STYX: variants seen among roughly 807,000 people sequenced by gnomAD.
STYX encodes the protein serine/threonine/tyrosine-interacting protein.
Under a neutral mutation model 42.7 loss-of-function variants are expected in STYX, and 20 were observed. That is an observed-to-expected ratio of 0.47 (90% CI 0.33 to 0.68). The LOEUF is 0.68. Among genes scored for constraint, STYX ranks in the 30% least tolerant of loss-of-function variants. The pLI is 0.02. For synonymous variants in STYX, 78 were observed against 81.9 expected (o/e 0.95, Z 0.26); for missense variants, 226 against 268.5 (o/e 0.84, Z 1.11).
intron 3 of STYX, 115 bp downstream of exon 3, chr14:52,746,594 A>G: frequency 1.2e-6 from 1 of 826,324 alleles, no homozygotes; most frequent in Non-Finnish European, 1.9e-6. Context: ...ACTGTCTGTT[A>G]ACAGTAATTG....
Position 52,774,155 on chromosome 14 carries a change from A to G in STYX, c.*3049A>G, listed in dbSNP as rs1388065961. ...CATGATAGCTTTTGCTACCAACTCAACCACTTAACTTTTAGAGCAGTTTTG... is the reference window on the plus strand; with the variant it reads ...CATGATAGCTTTTGCTACCAACTCAGCCACTTAACTTTTAGAGCAGTTTTG... On this transcript the variant is annotated 3_prime_UTR_variant, in exon 11 of 11. Coordinates refer to ENST00000354586, the MANE Select transcript of STYX (RefSeq NM_145251.4). The G allele has an allele frequency of 2.0e-5, 3 of 152,314 alleles. No homozygotes were observed. Among genetic ancestry groups the G allele is most frequent in the South Asian group, 2.1e-4 (1 of 4,830 alleles). The allele number at this position is 152,314 out of a possible 1,614,324, so 9.4% of individuals were successfully genotyped here. A position where few individuals can be genotyped will look rare whatever the true frequency, so the allele number is the denominator to read the frequency against.
chr14:52,758,023 T>A (rs1881943471), intron 8 of STYX, 99 bp downstream of exon 8: 1 of 1,313,762 alleles, frequency 7.6e-7, no homozygotes, highest in African/African-American at 1.5e-5. Flanking sequence ...TTCCCCTGAT[T>A]ATTTTTCATG....
intron 5 of STYX, 34 bp from the exon 6 acceptor site, chr14:52,757,285 T>C: frequency 1.9e-6 from 3 of 1,548,104 alleles, no homozygotes; most frequent in African/African-American, 1.4e-5. Context: ...ATTTATTTTA[T>C]GCTTACATTA....
intron 9 of STYX, among the ~76,000 whole-genome samples, chr14:52,764,149 C>A (rs927693101): frequency 2.6e-5 from 4 of 151,910 alleles, no homozygotes; most frequent in African/African-American, 9.7e-5. Context: ...TGCATCACCA[C>A]GCCCGGCTAA....
At chr14:52,763,606 A>AT (rs1216886202) in intron 9 of STYX, among the ~76,000 whole-genome samples, 3 of 151,462 alleles carry the variant, frequency 2.0e-5, no homozygotes, top group South Asian at 2.1e-4. Flanking sequence ...ATGTGTTGAG[A>AT]TTTTTTTTAT....
At chr14:52,744,230 T>G (rs1387799729) in intron 1 of STYX, among the ~76,000 whole-genome samples, 6 of 152,242 alleles carry the variant, frequency 3.9e-5, no homozygotes, top group Non-Finnish European at 8.8e-5. Flanking sequence ...TTACAGCTTC[T>G]TTATATTGGT....
chr14:52,758,020 G>A, intron 8 of STYX, 96 bp downstream of exon 8: 1 of 1,355,152 alleles, frequency 7.4e-7, no homozygotes. Flanking sequence ...TTATTCCCCT[G>A]ATTATTTTTC....
chr14:52,735,562 A>T (rs1880915859), intron 1 of STYX, among the ~76,000 whole-genome samples: 1 of 152,210 alleles, frequency 6.6e-6, no homozygotes, highest in Non-Finnish European at 1.5e-5. Flanking sequence ...GCATATAGTT[A>T]TTCATAATAA....
rs901619263 is a variant in STYX at position 52,730,256 on chromosome 14, G to A, written c.-219G>A. On this transcript the variant is annotated 5_prime_UTR_variant, in exon 1 of 11. Transcript: ENST00000354586. Reference sequence around the variant, plus strand: ...GGAGACGGCAGCGGCATGGCGGCCGGGTGTAAGACGCCCGACCCTCCTCTT... The same window carrying A: ...GGAGACGGCAGCGGCATGGCGGCCGAGTGTAAGACGCCCGACCCTCCTCTT... 3.6e-5 allele frequency: 21 copies of A among 579,526 alleles called. No individual in the cohort carries two copies. Among genetic ancestry groups the A allele is most frequent in the Non-Finnish European group, 9.2e-6 (3 of 324,550 alleles). The allele number at this position is 579,526 out of a possible 1,614,324, so 35.9% of individuals were successfully genotyped here.
chr14:52,769,222 G>A (rs1033381450), intron 10 of STYX, among the ~76,000 whole-genome samples: 1 of 152,074 alleles, frequency 6.6e-6, no homozygotes, highest in African/African-American at 2.4e-5. Flanking sequence ...TTAATACAGC[G>A]TGTAGCATGG....
At chr14:52,758,558 A>C (rs1477591338) in intron 8 of STYX, among the ~76,000 whole-genome samples, 1 of 152,196 alleles carries the variant, frequency 6.6e-6, no homozygotes, top group South Asian at 2.1e-4. Flanking sequence ...TCTTAAAGGA[A>C]TATTATTTGA....
At chr14:52,747,338 T>C (rs1312139715) in intron 3 of STYX, among the ~76,000 whole-genome samples, 1 of 152,230 alleles carries the variant, frequency 6.6e-6, no homozygotes, top group East Asian at 1.9e-4. Context: ...GTCAGTATAC[T>C]TAAATTGTGT....
At chr14:52,746,608 C>A in intron 3 of STYX, 129 bp downstream of exon 3, 1 of 694,364 alleles carries the variant, frequency 1.4e-6, no homozygotes, top group Non-Finnish European at 2.3e-6. Flanking sequence ...GTAATTGTCA[C>A]TCTGGAGTAC....
chr14:52,752,020 C>T (rs929246097), intron 4 of STYX, among the ~76,000 whole-genome samples: 1 of 152,058 alleles, frequency 6.6e-6, no homozygotes, highest in East Asian at 1.9e-4. Context: ...ATTACCTGAG[C>T]GTGGTGGCAC....
intron 4 of STYX, among the ~76,000 whole-genome samples, chr14:52,751,372 G>A (rs1393110429): frequency 6.6e-6 from 1 of 152,074 alleles, no homozygotes; most frequent in African/African-American, 2.4e-5. Flanking sequence ...GTACTAATAT[G>A]TATAGCATAT....
chr14:52,753,892 ATTTTTTTTTTTT>A (rs56734068), intron 4 of STYX, among the ~76,000 whole-genome samples: 4 of 77,234 alleles, frequency 5.2e-5, no homozygotes, highest in Admixed American at 3.3e-4. Context: ...CAAAACACTG[ATTTTTTTTTTTT>A]TTTTTTTTTT....
intron 3 of STYX, among the ~76,000 whole-genome samples, chr14:52,748,372 G>A (rs1415761688): frequency 6.6e-6 from 1 of 152,132 alleles, no homozygotes; most frequent in Non-Finnish European, 1.5e-5. Flanking sequence ...AGGACTACGG[G>A]CACACACCAC....
intron 4 of STYX, among the ~76,000 whole-genome samples, chr14:52,753,892 A>ATTT (rs56734068): frequency 0.023 from 1,741 of 77,238 alleles, 367 homozygotes; most frequent in Non-Finnish European, 0.027. Context: ...CAAAACACTG[A>ATTT]TTTTTTTTTT....
chr14:52,765,637 G>A (rs1882273503), intron 9 of STYX, among the ~76,000 whole-genome samples: 1 of 152,212 alleles, frequency 6.6e-6, no homozygotes, highest in Admixed American at 6.5e-5. Flanking sequence ...TTCACACCAA[G>A]GACCAGTTTC....
Sources: gnomAD v4.1 joint callset for allele counts (sites outside exome capture counted in the v4.1 genomes callset) on GRCh38, gnomAD v4.1.1 for gene constraint, MANE v1.5 for transcripts, NCBI Gene and HGNC (gene_info 2026-07-23, HGNC 2026-07-21) for gene names.